USP32: variants seen among roughly 807,000 people sequenced by gnomAD.
USP32 encodes ubiquitin carboxyl-terminal hydrolase 32.
A neutral mutation model predicts 204.8 loss-of-function variants in USP32; 59 were observed. That is an observed-to-expected ratio of 0.29 (90% CI 0.23 to 0.36). USP32 has a LOEUF of 0.36. Ranked by LOEUF, USP32 falls within the 10% of genes least tolerant of loss-of-function variation. USP32 has a pLI of 1.00. For missense variants in USP32, 1,160 were observed against 1,946.4 expected (o/e 0.60, Z 7.60); for synonymous variants, 517 against 678.4 (o/e 0.76, Z 3.70).
intron 2 of USP32, among the ~76,000 whole-genome samples, chr17:60,311,812 C>T (rs1005103302): frequency 2.0e-5 from 3 of 151,912 alleles, no homozygotes; most frequent in East Asian, 1.9e-4. Context: ...GCAACAAGAG[C>T]GAAATTCCAC....
At chr17:60,280,343 C>T (rs1426778298) in intron 5 of USP32, among the ~76,000 whole-genome samples, 1 of 152,094 alleles carries the variant, frequency 6.6e-6, no homozygotes, top group Non-Finnish European at 1.5e-5. Context: ...GTAATCCACC[C>T]ACCTCAGCCT....
intron 1 of USP32, among the ~76,000 whole-genome samples, chr17:60,349,624 T>A (rs926668961): frequency 0.038 from 2,255 of 59,752 alleles, 51 homozygotes; most frequent in African/African-American, 0.048. Context: ...TATATATATA[T>A]TATATATATA....
At chr17:60,378,134 A>G (rs545252831) in intron 1 of USP32, among the ~76,000 whole-genome samples, 25 of 152,324 alleles carry the variant, frequency 1.6e-4, no homozygotes, top group Non-Finnish European at 3.1e-4. Context: ...AAAATGGGCA[A>G]AGGATTGAAT....
At chr17:60,403,068 G>A (rs2089948551) in intron 1 of USP32, among the ~76,000 whole-genome samples, 1 of 152,056 alleles carries the variant, frequency 6.6e-6, no homozygotes, top group South Asian at 2.1e-4. Flanking sequence ...CTGGAGTGCA[G>A]TGTCACGATC....
Position 60,209,538 on chromosome 17 carries a change from G to T in USP32, c.2430C>A (p.Thr810=), listed in dbSNP as rs1411324911. The change falls in exon 22 of 34, where the codon ACC becomes ACA. Residue 810 remains threonine, a synonymous_variant. Coordinates refer to ENST00000300896, the MANE Select transcript of USP32 (RefSeq NM_032582.4). ...TAAACCTGGGAGCATATTTTGCTAT[G>T]GTCCACTATAAATATAAGAGAAGTC... ...KNVAPLKLRW[T]IAKYAPRFNG... 1 of 1,580,370 alleles carries T rather than the reference G, an allele frequency of 6.3e-7. No individual in the cohort carries two copies. The highest frequency in any genetic ancestry group is 2.0e-5 in the Admixed American group (1 of 50,290).
intron 2 of USP32, among the ~76,000 whole-genome samples, chr17:60,302,908 C>T (rs1333430077): frequency 6.6e-6 from 1 of 152,170 alleles, no homozygotes; most frequent in East Asian, 1.9e-4. Flanking sequence ...TAAATTCACT[C>T]ATTCAACAGT....
chr17:60,419,810 TAAA>T (rs36086072), intron 1 of USP32, among the ~76,000 whole-genome samples: 1 of 133,024 alleles, frequency 7.5e-6, no homozygotes, highest in East Asian at 2.1e-4. Context: ...AACTCAAGGT[TAAA>T]AAAAATTATT....
intron 27 of USP32, among the ~76,000 whole-genome samples, chr17:60,195,859 A>T (rs2084501096): frequency 6.6e-6 from 1 of 152,186 alleles, no homozygotes; most frequent in Non-Finnish European, 1.5e-5. Context: ...ACTTGAATAT[A>T]TCATAGACTT....
At chr17:60,361,598 A>AG (rs2089208172) in intron 1 of USP32, among the ~76,000 whole-genome samples, 1 of 152,172 alleles carries the variant, frequency 6.6e-6, no homozygotes, top group African/African-American at 2.4e-5. Flanking sequence ...ACCAATTTAC[A>AG]TTCCCACAAT....
intron 9 of USP32, among the ~76,000 whole-genome samples, chr17:60,258,732 A>G (rs2086379534): frequency 6.6e-6 from 1 of 152,228 alleles, no homozygotes; most frequent in Non-Finnish European, 1.5e-5. Context: ...TGTTTACAGG[A>G]CATTCCAAAA....
chr17:60,249,970 A>G (rs1175428178), intron 11 of USP32, among the ~76,000 whole-genome samples: 2 of 152,216 alleles, frequency 1.3e-5, no homozygotes, highest in African/African-American at 4.8e-5. Flanking sequence ...GAATTTTTAT[A>G]AGTAATAGTA....
intron 33 of USP32, 70 bp from the exon 34 acceptor site, chr17:60,179,498 G>T (rs2084044889): frequency 2.1e-5 from 33 of 1,575,986 alleles, no homozygotes; most frequent in Non-Finnish European, 2.6e-5. Context: ...GCCAGGAAAG[G>T]GAAGACCAAC....
chr17:60,358,375 G>C (rs2089135063), intron 1 of USP32, among the ~76,000 whole-genome samples: 1 of 152,026 alleles, frequency 6.6e-6, no homozygotes, highest in Non-Finnish European at 1.5e-5. Flanking sequence ...AGGAGTTCGA[G>C]GCCAGCCTGG....
upstream of USP32, among the ~76,000 whole-genome samples, chr17:60,396,219 A>G (rs1003887257): frequency 2.0e-5 from 3 of 151,956 alleles, no homozygotes; most frequent in African/African-American, 4.8e-5. Flanking sequence ...CTGGGACTAC[A>G]GGCATGCGCC....
chr17:60,394,758 T>A (rs189716202), upstream of USP32, among the ~76,000 whole-genome samples: 1,457 of 152,230 alleles, frequency 9.6e-3, 32 homozygotes, highest in African/African-American at 0.034. Flanking sequence ...TTATTTATTT[T>A]TTTGAGACGG....
intron 1 of USP32, among the ~76,000 whole-genome samples, chr17:60,357,745 C>T (rs2089117459): frequency 6.6e-6 from 1 of 151,846 alleles, no homozygotes; most frequent in African/African-American, 2.4e-5. Flanking sequence ...GAAGAGTATT[C>T]ATATTCTCAA....
In USP32 at chr17:60,178,769, T is replaced by C. The variant is rs2084028529; in HGVS notation, c.*486A>G. ...TGCCTTAAGAATCATTTGCACACCT[T>C]CGTGATCTTGCTTTCTCCATCTTGT... On this transcript the variant is annotated 3_prime_UTR_variant, in exon 34 of 34. Coordinates refer to ENST00000300896, the MANE Select transcript of USP32 (RefSeq NM_032582.4). Among the ~76,000 whole-genome samples, 1 of 152,254 alleles carries C rather than the reference T, an allele frequency of 6.6e-6. No individual in the cohort carries two copies. The highest frequency in any genetic ancestry group is 2.4e-5 in the African/African-American group (1 of 41,458).
chr17:60,185,405 T>G, intron 30 of USP32, 55 bp downstream of exon 30: 2 of 1,489,518 alleles, frequency 1.3e-6, no homozygotes, highest in Non-Finnish European at 1.8e-6. Context: ...TTTGTTCATG[T>G]CTTCTTTCTT....
intron 1 of USP32, among the ~76,000 whole-genome samples, chr17:60,371,728 G>A (rs569025119): frequency 2.0e-5 from 3 of 152,276 alleles, no homozygotes; most frequent in South Asian, 2.1e-4. Flanking sequence ...ACAATATGAA[G>A]CACCAGTCCT....
Sources: gnomAD v4.1 joint callset for allele counts (sites outside exome capture counted in the v4.1 genomes callset) on GRCh38, gnomAD v4.1.1 for gene constraint, MANE v1.5 for transcripts, NCBI Gene and HGNC (gene_info 2026-07-23, HGNC 2026-07-21) for gene names.